NAALADL2: variants seen among roughly 807,000 people sequenced by gnomAD.
The protein encoded by NAALADL2 is N-acetylated alpha-linked acidic dipeptidase like 2.
In NAALADL2, 76 loss-of-function variants were observed where a neutral mutation model predicts 87.2. The ratio of observed to expected loss-of-function variants is 0.87; its 90% confidence interval spans 0.72 to 1.05. The LOEUF (loss-of-function observed/expected upper bound fraction) is 1.05, where lower values mean the gene tolerates loss of function less well. Among genes scored for constraint, NAALADL2 ranks in the 50% least tolerant of loss-of-function variants. The probability of loss-of-function intolerance (pLI) is 0.00; values close to 1 mark genes in which losing one functional copy is unlikely to be tolerated. For missense variants in NAALADL2, 1,089 were observed against 945.8 expected (o/e 1.15, Z -1.99); for synonymous variants, 354 against 331.0 (o/e 1.07, Z -0.75).
chr3:175,469,360 A>G (rs1026696503), intron 8 of NAALADL2, among the ~76,000 whole-genome samples: 10 of 152,036 alleles, frequency 6.6e-5, no homozygotes. Context: ...TTAGACTGAA[A>G]CTAATTTATG....
chr3:175,769,987 T>TA (rs1749266086), intron 13 of NAALADL2, among the ~76,000 whole-genome samples: 1 of 130,482 alleles, frequency 7.7e-6, no homozygotes, highest in African/African-American at 3.7e-5. Flanking sequence ...CCTCATGTTT[T>TA]GTTTTGAGGC....
chr3:175,385,308 C>T (rs922533671), intron 5 of NAALADL2, among the ~76,000 whole-genome samples: 1 of 151,988 alleles, frequency 6.6e-6, no homozygotes, highest in African/African-American at 2.4e-5. Flanking sequence ...CTAATCTACC[C>T]TGAAATTTAA....
At chr3:175,546,973 C>T (rs114303368) in intron 9 of NAALADL2, among the ~76,000 whole-genome samples, 1 of 152,062 alleles carries the variant, frequency 6.6e-6, no homozygotes, top group African/African-American at 2.4e-5. Context: ...GAGTCAATAT[C>T]ATTAAAATGG....
intron 2 of NAALADL2, among the ~76,000 whole-genome samples, chr3:175,192,627 G>A (rs1197882067): frequency 2.0e-5 from 3 of 151,930 alleles, no homozygotes; most frequent in Non-Finnish European, 4.4e-5. Context: ...TTCTCAGTGG[G>A]AAAAATCTAT....
chr3:175,090,973 G>GAA (rs36116076), intron 1 of NAALADL2, among the ~76,000 whole-genome samples: 22 of 146,008 alleles, frequency 1.5e-4, no homozygotes, highest in African/African-American at 2.3e-4. Flanking sequence ...ACCACAAATG[G>GAA]AAAAAAAAAA....
intron 11 of NAALADL2, among the ~76,000 whole-genome samples, chr3:175,664,696 A>G (rs1732715969): frequency 6.6e-6 from 1 of 152,170 alleles, no homozygotes; most frequent in Non-Finnish European, 1.5e-5. Context: ...TATTGAATTT[A>G]AATTATTATA....
At chr3:175,628,002 T>G (rs909086477) in intron 11 of NAALADL2, among the ~76,000 whole-genome samples, 1 of 151,756 alleles carries the variant, frequency 6.6e-6, no homozygotes, top group African/African-American at 2.4e-5. Flanking sequence ...AAAGACCGCA[T>G]TGATAGTAAG....
chr3:175,330,363 G>C (rs976214199), intron 5 of NAALADL2, among the ~76,000 whole-genome samples: 5 of 151,980 alleles, frequency 3.3e-5, no homozygotes, highest in Admixed American at 1.3e-4. Flanking sequence ...AGGATCACTT[G>C]AGCCTTGAAG....
intron 1 of NAALADL2, among the ~76,000 whole-genome samples, chr3:174,971,728 C>T (rs1407718814): frequency 6.6e-6 from 1 of 151,270 alleles, no homozygotes; most frequent in Non-Finnish European, 1.5e-5. Context: ...GACGGAGTCT[C>T]GCTCTTTTAC....
At chr3:174,662,428 T>C (rs1360554981) in intron 2 of NAALADL2, among the ~76,000 whole-genome samples, 1 of 152,190 alleles carries the variant, frequency 6.6e-6, no homozygotes, top group African/African-American at 2.4e-5. Flanking sequence ...TTCCTATTTA[T>C]TCAGAAAACT....
intron 1 of NAALADL2, among the ~76,000 whole-genome samples, chr3:174,469,577 C>T (rs900233627): frequency 3.3e-5 from 5 of 152,008 alleles, no homozygotes; most frequent in African/African-American, 4.8e-5. Context: ...TACAGGTACC[C>T]GCCACCAAGT....
At chr3:174,557,302 A>G (rs1166668406) in intron 2 of NAALADL2, among the ~76,000 whole-genome samples, 2 of 152,314 alleles carry the variant, frequency 1.3e-5, no homozygotes, top group East Asian at 1.9e-4. Flanking sequence ...TTTTTAAACT[A>G]CTATGAATAT....
At chr3:175,313,798 C>T (rs1758688352) in intron 4 of NAALADL2, among the ~76,000 whole-genome samples, 1 of 152,116 alleles carries the variant, frequency 6.6e-6, no homozygotes, top group South Asian at 2.1e-4. Flanking sequence ...GGCATGGTGG[C>T]TCACACCTGT....
intron 2 of NAALADL2, among the ~76,000 whole-genome samples, chr3:174,694,664 A>G (rs1287115471): frequency 6.6e-6 from 1 of 152,046 alleles, no homozygotes; most frequent in Admixed American, 6.6e-5. Context: ...TTCTTTGGAA[A>G]GTAGACTTCT....
intron 12 of NAALADL2, among the ~76,000 whole-genome samples, chr3:175,747,003 T>C (rs144593955): frequency 8.1e-4 from 123 of 152,326 alleles, no homozygotes; most frequent in Non-Finnish European, 1.1e-3. Context: ...AAATGCAATG[T>C]AAATGCTATG....
upstream of NAALADL2, among the ~76,000 whole-genome samples, chr3:174,856,963 G>GTT (rs1434885036): frequency 3.1e-3 from 465 of 152,254 alleles, 2 homozygotes; most frequent in African/African-American, 0.011. Context: ...GGTACTATAT[G>GTT]TGGTTCAAGC....
chr3:175,647,843 C>T (rs1037209269), intron 11 of NAALADL2, among the ~76,000 whole-genome samples: 2 of 152,192 alleles, frequency 1.3e-5, no homozygotes, highest in African/African-American at 4.8e-5. Flanking sequence ...AAGAAAGTCT[C>T]TAGCCAGCCA....
intron 1 of NAALADL2, among the ~76,000 whole-genome samples, chr3:174,951,422 A>G (rs1040314441): frequency 5.9e-5 from 9 of 152,108 alleles, no homozygotes; most frequent in African/African-American, 2.2e-4. Flanking sequence ...AAAATGATCA[A>G]AAAAAGAGAA....
intron 5 of NAALADL2, among the ~76,000 whole-genome samples, chr3:175,401,897 A>T (rs1430722001): frequency 6.6e-6 from 1 of 152,098 alleles, no homozygotes; most frequent in Non-Finnish European, 1.5e-5. Context: ...GATCATGAGT[A>T]TTTAAGGAGC....
Sources: allele counts gnomAD v4.1 joint callset (sites outside exome capture counted in the v4.1 genomes callset), GRCh38; gene constraint gnomAD v4.1.1; transcripts MANE v1.5; gene names NCBI Gene and HGNC (gene_info 2026-07-23, HGNC 2026-07-21).